The following RNF216 variants were observed in gnomAD, a reference collection of about 807,000 sequenced individuals.
RNF216 encodes the protein E3 ubiquitin-protein ligase RNF216.
RNF216 carries 72 observed loss-of-function variants against 110.8 expected under a neutral mutation model. The ratio of observed to expected loss-of-function variants is 0.65; its 90% CI spans 0.54 to 0.79. RNF216 has a LOEUF of 0.79. RNF216 is among the 30% of genes least tolerant of loss of function. The pLI, the probability that RNF216 is intolerant of heterozygous loss-of-function variation, is 0.00. For missense variants in RNF216, 1,342 were observed against 1,141.2 expected (o/e 1.18, Z -2.54); for synonymous variants, 495 against 407.5 (o/e 1.21, Z -2.59).
rs1172574223 is a variant in RNF216 at position 5,621,276 on chromosome 7, G to A, written c.*1584C>T. On this transcript the variant is annotated 3_prime_UTR_variant, in exon 17 of 17. Transcript: ENST00000389902. ...TGCAACCTCTGCCTCCCAGGTTCAA[G>A]TGATTCTCCTGCCTCAGCCTCCTGA... 1 of 151,632 alleles carries A rather than the reference G, an allele frequency of 6.6e-6. No individual in the cohort carries two copies. The highest frequency in any genetic ancestry group is 1.5e-5 in the Non-Finnish European group (1 of 68,080). 9.4% of individuals were successfully genotyped at this position (151,632 alleles called of 1,614,324 possible). A position where few individuals can be genotyped will look rare whatever the true frequency, so the allele number is the denominator to read the frequency against.
intron 3 of RNF216, among the ~76,000 whole-genome samples, chr7:5,752,014 A>C (rs1795357290): frequency 6.6e-6 from 1 of 151,856 alleles, no homozygotes; most frequent in Non-Finnish European, 1.5e-5. Context: ...AGTTAAACCT[A>C]TCTCTGCTAA....
intron 13 of RNF216, among the ~76,000 whole-genome samples, chr7:5,677,933 T>A (rs1205497446): frequency 1.3e-5 from 2 of 152,200 alleles, no homozygotes; most frequent in Non-Finnish European, 2.9e-5. Context: ...AGCCCTGTTA[T>A]TACACACCCA....
At position 5,725,369 on chromosome 7, in the gene RNF216, T is replaced by G; in HGVS notation, c.1459A>C (p.Lys487Gln). 1 of 1,613,890 alleles carries G rather than the reference T, an allele frequency of 6.2e-7. No homozygotes were observed. The highest frequency in any genetic ancestry group is 8.5e-7 in the Non-Finnish European group (1 of 1,179,724). ...ATGTAAGAATACTGGTTCATTTGTT[T>G]TCTCTTCTTCCTTTTTCCACTGGTT... ...PETSGKRKKR[K>Q]QMNQYSYIDF... Residue 487 changes from lysine (K) to glutamine (Q), a missense_variant, in exon 8 of 17, where the codon AAA becomes CAA. Transcript: ENST00000389902.
intron 13 of RNF216, among the ~76,000 whole-genome samples, chr7:5,677,024 G>GT (rs770652844): frequency 5.9e-5 from 9 of 152,138 alleles, no homozygotes; most frequent in African/African-American, 9.7e-5. Flanking sequence ...AACGAACCTC[G>GT]TAAGAGAACT....
At chr7:5,699,301 C>CAA (rs1435854512) in intron 13 of RNF216, among the ~76,000 whole-genome samples, 1 of 152,090 alleles carries the variant, frequency 6.6e-6, no homozygotes, top group African/African-American at 2.4e-5. Context: ...TGCAGCATAT[C>CAA]AAAATTACAC....
intron 13 of RNF216, among the ~76,000 whole-genome samples, chr7:5,687,002 A>G (rs1791028260): frequency 1.3e-5 from 2 of 152,220 alleles, no homozygotes; most frequent in Admixed American, 6.5e-5. Flanking sequence ...GGGGATCCCT[A>G]TCTTAAAAGA....
Position 5,624,042 on chromosome 7 carries a change from G to C in RNF216, c.2452+14C>G, listed in dbSNP as rs1473239080. The C allele has an allele frequency of 2.5e-6, 4 of 1,611,738 alleles. No homozygotes were observed. The highest frequency in any genetic ancestry group is 3.4e-6 in the Non-Finnish European group (4 of 1,178,810). ...CTGCTGCTCTGTCCTGGGGGCCTGG[G>C]GAGGGGCACTTGCCTCCATTCTTTC... On this transcript the variant is annotated intron_variant, in intron 16 of 16. Transcript: ENST00000389902. The surrounding 1 kb of genome is among the most constrained non-coding windows in gnomAD (Gnocchi z 4.4).
chr7:5,633,444 G>A (rs150497607), intron 15 of RNF216, among the ~76,000 whole-genome samples: 149 of 152,102 alleles, frequency 9.8e-4, no homozygotes, highest in African/African-American at 2.9e-3. Flanking sequence ...GCCTGGTGGC[G>A]TGCACCTGTA....
intron 13 of RNF216, among the ~76,000 whole-genome samples, chr7:5,681,713 C>T (rs1790663459): frequency 6.6e-6 from 1 of 152,200 alleles, no homozygotes; most frequent in Non-Finnish European, 1.5e-5. Flanking sequence ...TTGCAACTTA[C>T]CAGACCACAC....
intron 1 of RNF216, among the ~76,000 whole-genome samples, chr7:5,771,841 T>C (rs1796510800): frequency 6.6e-6 from 1 of 151,508 alleles, no homozygotes; most frequent in Non-Finnish European, 1.5e-5. Context: ...GGGCAAACAA[T>C]TTGAATTAAC....
At chr7:5,702,917 T>C (rs1315490489) in intron 13 of RNF216, among the ~76,000 whole-genome samples, 1 of 152,134 alleles carries the variant, frequency 6.6e-6, no homozygotes, top group Non-Finnish European at 1.5e-5. Context: ...TTTAAGCCAG[T>C]GTCTATTTTG....
At chr7:5,648,345 G>C (rs1199332997) in intron 14 of RNF216, among the ~76,000 whole-genome samples, 2 of 151,736 alleles carry the variant, frequency 1.3e-5, no homozygotes. Context: ...GACCTCAGGT[G>C]ATCCGCCTGC....
intron 8 of RNF216, among the ~76,000 whole-genome samples, chr7:5,722,629 A>T (rs1793504401): frequency 1.3e-5 from 2 of 151,768 alleles, no homozygotes; most frequent in South Asian, 4.2e-4. Flanking sequence ...CGACCTCGTG[A>T]TCCGCCTGCC....
rs569164275 is a variant in RNF216, at chr7:5,688,188, A to G, written c.2061+23573T>C. ...AACTGTGTAAAACTGAAAGCATTTC[A>G]AAAATGATTAGTCTTCTTTCGATTA... On this transcript the variant is annotated intron_variant, in intron 13 of 16. Coordinates refer to ENST00000389902, the MANE Select transcript of RNF216 (RefSeq NM_207111.4). 3.6e-4 allele frequency among the ~76,000 whole-genome samples: 55 copies of G among 152,370 alleles called. 1 individual carries two copies. The highest frequency in any genetic ancestry group is 1.2e-3 in the South Asian group (6 of 4,832).
chr7:5,679,515 T>C (rs1790519084), intron 13 of RNF216, among the ~76,000 whole-genome samples: 1 of 152,194 alleles, frequency 6.6e-6, no homozygotes, highest in Non-Finnish European at 1.5e-5. Context: ...CTCTCAGCAG[T>C]AGGAGTGCTG....
chr7:5,759,085 G>C (rs889187662), intron 2 of RNF216, among the ~76,000 whole-genome samples: 1 of 152,136 alleles, frequency 6.6e-6, no homozygotes, highest in Non-Finnish European at 1.5e-5. Context: ...GAGTTCTTGT[G>C]AGATCTGGTT....
intron 13 of RNF216, among the ~76,000 whole-genome samples, chr7:5,692,089 T>C (rs1321796302): frequency 6.6e-6 from 1 of 152,188 alleles, no homozygotes; most frequent in Admixed American, 6.5e-5. Flanking sequence ...AAAAATAGAA[T>C]GACAGCAAGT....
At chr7:5,781,090 A>G (rs946028368) in intron 1 of RNF216, among the ~76,000 whole-genome samples, 1 of 152,086 alleles carries the variant, frequency 6.6e-6, no homozygotes, top group African/African-American at 2.4e-5. Flanking sequence ...ATGTGAGGGA[A>G]GAGGAGGAAA....
chr7:5,663,483 C>G (rs1030069263), intron 13 of RNF216, among the ~76,000 whole-genome samples: 2 of 149,114 alleles, frequency 1.3e-5, no homozygotes, highest in Admixed American at 1.4e-4. Context: ...ACTCGGGAGG[C>G]TGAGGCAGGA....
Sources: gnomAD v4.1 joint callset for allele counts (sites outside exome capture counted in the v4.1 genomes callset) on GRCh38, gnomAD v4.1.1 for gene constraint, Gnocchi (gnomAD v3.1) non-coding constraint, MANE v1.5 for transcripts, NCBI Gene and HGNC (gene_info 2026-07-23, HGNC 2026-07-21) for gene names.